ROBO2: variants seen among roughly 807,000 people sequenced by gnomAD.
The protein encoded by ROBO2 is roundabout homolog 2.
In ROBO2, 53 loss-of-function variants were observed where a neutral mutation model predicts 160.8. The ratio of observed to expected loss-of-function variants is 0.33; its 90% confidence interval spans 0.26 to 0.41. The LOEUF is 0.41. Among genes scored for constraint, ROBO2 ranks in the 10% least tolerant of loss-of-function variants. ROBO2 has a pLI of 1.00. For synonymous variants in ROBO2, 664 were observed against 611.7 expected (o/e 1.09, Z -1.26); for missense variants, 1,577 against 1,722.4 (o/e 0.92, Z 1.49).
chr3:77,462,858 T>A (rs1469681120), intron 2 of ROBO2, among the ~76,000 whole-genome samples: 2 of 152,180 alleles, frequency 1.3e-5, no homozygotes, highest in African/African-American at 2.4e-5. Flanking sequence ...TCCAGCATGT[T>A]TCTTTTCCTT....
At chr3:76,750,185 A>G (rs959105048) in intron 2 of ROBO2, among the ~76,000 whole-genome samples, 30 of 152,162 alleles carry the variant, frequency 2.0e-4, no homozygotes, top group Non-Finnish European at 3.7e-4. Flanking sequence ...AAACAGAACC[A>G]AAGAAAAAAC....
At chr3:76,538,151 T>TCACACACACA (rs3223397) in intron 2 of ROBO2, among the ~76,000 whole-genome samples, 184 of 146,348 alleles carry the variant, frequency 1.3e-3, no homozygotes, top group African/African-American at 3.3e-3. Flanking sequence ...CTGACAGAAC[T>TCACACACACA]CACACACACA....
intron 2 of ROBO2, among the ~76,000 whole-genome samples, chr3:76,945,907 TG>T (rs1456162391): frequency 6.6e-6 from 1 of 152,218 alleles, no homozygotes; most frequent in Non-Finnish European, 1.5e-5. Flanking sequence ...GTATTATTTT[TG>T]GGTTGCTTTT....
At chr3:77,637,412 CT>C (rs2095282242) in intron 24 of ROBO2, among the ~76,000 whole-genome samples, 1 of 152,170 alleles carries the variant, frequency 6.6e-6, no homozygotes, top group Non-Finnish European at 1.5e-5. Context: ...GTTCTACATA[CT>C]TTCCGGTTTA....
At chr3:77,331,133 A>G (rs2065925706) in intron 2 of ROBO2, among the ~76,000 whole-genome samples, 1 of 152,226 alleles carries the variant, frequency 6.6e-6, no homozygotes, top group South Asian at 2.1e-4. Context: ...GTAGATGTTT[A>G]GGGTATGACA....
At chr3:76,840,283 A>T (rs997983229) in intron 2 of ROBO2, among the ~76,000 whole-genome samples, 30 of 151,842 alleles carry the variant, frequency 2.0e-4, no homozygotes, top group Non-Finnish European at 4.3e-4. Context: ...AAAGGGGCTG[A>T]TATTTTATTC....
At chr3:77,190,527 T>G (rs2081736165) in intron 2 of ROBO2, among the ~76,000 whole-genome samples, 1 of 151,974 alleles carries the variant, frequency 6.6e-6, no homozygotes, top group African/African-American at 2.4e-5. Flanking sequence ...AAAACCTGTA[T>G]AGTGTAACTT....
intron 2 of ROBO2, among the ~76,000 whole-genome samples, chr3:76,996,305 G>A (rs1044118971): frequency 1.3e-5 from 2 of 152,186 alleles, no homozygotes; most frequent in Admixed American, 6.5e-5. Flanking sequence ...TGTCCCATTG[G>A]TCTATATCTC....
intron 2 of ROBO2, among the ~76,000 whole-genome samples, chr3:76,276,674 A>C (rs969054888): frequency 6.6e-6 from 1 of 152,194 alleles, no homozygotes; most frequent in South Asian, 2.1e-4. Context: ...AAATGAAGAA[A>C]GGCTTACCAA....
intron 2 of ROBO2, among the ~76,000 whole-genome samples, chr3:77,443,701 C>G (rs186683557): frequency 2.6e-5 from 4 of 152,078 alleles, no homozygotes; most frequent in African/African-American, 9.7e-5. Flanking sequence ...ACATCTTAAT[C>G]ATTTCTCATA....
intron 2 of ROBO2, among the ~76,000 whole-genome samples, chr3:76,999,231 T>C (rs913795903): frequency 6.6e-6 from 1 of 152,070 alleles, no homozygotes; most frequent in Non-Finnish European, 1.5e-5. Context: ...AATGAACTCT[T>C]GTTTCTTTAC....
intron 2 of ROBO2, among the ~76,000 whole-genome samples, chr3:77,016,454 T>C (rs2062264229): frequency 6.6e-6 from 1 of 152,176 alleles, no homozygotes; most frequent in Non-Finnish European, 1.5e-5. Flanking sequence ...TTCGTATGCA[T>C]TGAAGACCCC....
intron 2 of ROBO2, among the ~76,000 whole-genome samples, chr3:77,151,093 T>C (rs2077514055): frequency 6.6e-6 from 1 of 152,144 alleles, no homozygotes; most frequent in African/African-American, 2.4e-5. Context: ...TACTCAAATG[T>C]AGACCTAGAT....
intron 2 of ROBO2, among the ~76,000 whole-genome samples, chr3:76,930,873 T>A (rs968515115): frequency 1.3e-5 from 2 of 152,210 alleles, no homozygotes; most frequent in Non-Finnish European, 2.9e-5. Context: ...GTCTTCCAAT[T>A]CAAATGTTAA....
chr3:76,934,519 G>A (rs1559726683), intron 2 of ROBO2, among the ~76,000 whole-genome samples: 1 of 151,788 alleles, frequency 6.6e-6, no homozygotes, highest in Non-Finnish European at 1.5e-5. Flanking sequence ...GAGAGGGCCG[G>A]ATCACGAGGT....
chr3:76,483,621 G>A (rs1004597722), intron 2 of ROBO2, among the ~76,000 whole-genome samples: 3 of 152,034 alleles, frequency 2.0e-5, no homozygotes, highest in Non-Finnish European at 4.4e-5. Context: ...GGAAAAGAAC[G>A]CTTGTGTCAC....
At chr3:77,074,872 A>C (rs1278727777) in intron 1 of ROBO2, among the ~76,000 whole-genome samples, 1 of 152,224 alleles carries the variant, frequency 6.6e-6, no homozygotes, top group African/African-American at 2.4e-5. Flanking sequence ...AGTATTTAAA[A>C]TGCTACATGT....
At chr3:77,291,827 G>C (rs964940139) in intron 2 of ROBO2, among the ~76,000 whole-genome samples, 12 of 151,342 alleles carry the variant, frequency 7.9e-5, no homozygotes, top group African/African-American at 2.9e-4. Flanking sequence ...AAGTAAAATT[G>C]ATGGTTAAAC....
chr3:76,351,356 G>A (rs1414299598), intron 2 of ROBO2, among the ~76,000 whole-genome samples: 2 of 151,884 alleles, frequency 1.3e-5, no homozygotes, highest in Admixed American at 1.3e-4. Context: ...AGTAATGTAA[G>A]AGTTATGGAA....
Sources: allele counts gnomAD v4.1 joint callset (sites outside exome capture counted in the v4.1 genomes callset), GRCh38; gene constraint gnomAD v4.1.1; transcripts MANE v1.5; gene names NCBI Gene and HGNC (gene_info 2026-07-23, HGNC 2026-07-21).